Variants in SLC36A1 observed in about 807,000 individuals in gnomAD.
SLC36A1 encodes solute carrier family 36 member 1, also known as proton-coupled amino acid transporter 1.
SLC36A1 carries 30 observed loss-of-function variants against 47.5 expected under a neutral mutation model. The observed-to-expected ratio is 0.63, with a 90% CI of 0.47 to 0.86. SLC36A1 has a LOEUF of 0.86. Among genes scored for constraint, SLC36A1 ranks in the 40% least tolerant of loss-of-function variants. SLC36A1 has a pLI of 0.00. For synonymous variants in SLC36A1, 255 were observed against 249.7 expected, an observed-to-expected ratio of 1.02 and a Z score of -0.20; for missense variants, 517 against 606.0, an observed-to-expected ratio of 0.85 and a Z score of 1.54.
At chr5:151,416,816 A>G in the SLC36A1 span, among the ~76,000 whole-genome samples, 1 of 152,210 alleles carries the variant, frequency 6.6e-6, no homozygotes, top group Admixed American at 6.5e-5. Flanking sequence ...CAAAATCTCC[A>G]TAATCCCCAC....
At chr5:151,481,144 A>AT (rs1467927540) in intron 10 of SLC36A1, among the ~76,000 whole-genome samples, 2 of 152,118 alleles carry the variant, frequency 1.3e-5, no homozygotes, top group Non-Finnish European at 2.9e-5. Flanking sequence ...TGCCTCTTGG[A>AT]TTTTGCTTCA....
Position 151,453,205 on chromosome 5 carries a change from C to CAATA in SLC36A1, c.-6+5400_-6+5403dup, listed in dbSNP as rs1753933818. On this transcript the variant is annotated intron_variant, in intron 1 of 10. Transcript: ENST00000243389. ...GGCAACAAGAATGAAACTCCATCTCCAATAAATAAATTAAAATAAATAAAT... is the reference window on the plus strand; with the variant it reads ...GGCAACAAGAATGAAACTCCATCTCCAATAAATAAATAAATTAAAATAAATAAAT... Among the ~76,000 whole-genome samples, 3 of 151,454 alleles carry CAATA rather than the reference C, an allele frequency of 2.0e-5. No individual in the cohort carries two copies. The South Asian group carries it at 6.3e-4, about 32-fold the overall frequency.
At chr5:151,545,363 T>A in the SLC36A1 span, 1 of 1,614,134 alleles carries the variant, frequency 6.2e-7, no homozygotes, top group Non-Finnish European at 8.5e-7. Flanking sequence ...ATGCTACCAG[T>A]GACAGGATGG....
Position 151,467,708 on chromosome 5 carries a change from T to C in SLC36A1, c.506T>C (p.Val169Ala), listed in dbSNP as rs149813162. ...FVFLADNFKQVIEAANGTTNN... is the reference protein window; with the variant it reads ...FVFLADNFKQAIEAANGTTNN... ...TTTTCTTCCTTCCCCTCATTCTAGG[T>C]GATAGAAGCGGCCAATGGGACCACC... The change falls in exon 7 of 11, where the codon GTG becomes GCG. Residue 169 changes from valine (V) to alanine (A), a missense_variant and splice_region_variant. Val to Ala is a moderately conservative substitution (Grantham distance 64). Coordinates refer to ENST00000243389, the MANE Select transcript of SLC36A1 (RefSeq NM_078483.4). The C allele has an allele frequency of 8.6e-4, 1,387 of 1,613,460 alleles. 2 individuals carry two copies. Among genetic ancestry groups the C allele is most frequent in the East Asian group, 1.1e-3 (48 of 44,860 alleles).
Position 151,463,465 on chromosome 5 carries a change from A to G in SLC36A1, c.144-88A>G. The G allele has an allele frequency of 9.2e-6, 9 of 975,306 alleles. No homozygotes were observed. The South Asian group carries it at 1.1e-4, about 11-fold the overall frequency. 60.4% of individuals were successfully genotyped at this position (975,306 alleles called of 1,614,324 possible). A position where few individuals can be genotyped will look rare whatever the true frequency, so the allele number is the denominator to read the frequency against. ...AAAATCTTACAGGGTTGTTGTGGAA[A>G]TAAAATAAGATAATGCATATAAGCA... On this transcript the variant is annotated intron_variant, in intron 2 of 10. Coordinates refer to ENST00000243389, the MANE Select transcript of SLC36A1 (RefSeq NM_078483.4).
the SLC36A1 span, among the ~76,000 whole-genome samples, chr5:151,522,312 CCTATACCATG>C: frequency 0.013 from 1,984 of 152,310 alleles, 64 homozygotes; most frequent in South Asian, 0.098. Context: ...GGAGTTACAT[CCTATACCATG>C]CAGTAAAACA....
chr5:151,465,496 T>C (rs1756220684), intron 5 of SLC36A1, among the ~76,000 whole-genome samples: 1 of 152,218 alleles, frequency 6.6e-6, no homozygotes, highest in Non-Finnish European at 1.5e-5. Flanking sequence ...CACTATCTTA[T>C]AAATGGAACA....
intron 4 of SLC36A1, 131 bp downstream of exon 4, chr5:151,464,733 G>A: frequency 2.6e-6 from 2 of 776,166 alleles, no homozygotes; most frequent in Admixed American, 4.6e-5. Context: ...GCTTATGATT[G>A]CAGCGTTTTC....
the SLC36A1 span, among the ~76,000 whole-genome samples, chr5:151,357,683 C>A: frequency 4.6e-5 from 7 of 152,206 alleles, no homozygotes; most frequent in Non-Finnish European, 1.0e-4. Flanking sequence ...GTAGTTGTGA[C>A]AGAAACCATA....
the SLC36A1 span, among the ~76,000 whole-genome samples, chr5:151,420,500 A>T: frequency 6.6e-6 from 1 of 152,150 alleles, no homozygotes; most frequent in Non-Finnish European, 1.5e-5. Flanking sequence ...CCTGCTAATG[A>T]TGGGGATGAT....
At chr5:151,352,085 C>G in the SLC36A1 span, among the ~76,000 whole-genome samples, 63 of 152,178 alleles carry the variant, frequency 4.1e-4, no homozygotes, top group Non-Finnish European at 1.9e-4. Flanking sequence ...ATTTGCTGCT[C>G]TCTGTGCCTG....
At chr5:151,382,474 G>T in the SLC36A1 span, 3 of 548,054 alleles carry the variant, frequency 5.5e-6, no homozygotes, top group East Asian at 8.8e-5. Flanking sequence ...TCAAAGATGG[G>T]GTTAAATGCA....
intron 3 of SLC36A1, among the ~76,000 whole-genome samples, chr5:151,463,936 T>C (rs1486704442): frequency 7.2e-5 from 11 of 152,228 alleles, no homozygotes; most frequent in Admixed American, 7.2e-4. Flanking sequence ...GAGCAGTTTC[T>C]GTCAATAATA....
At chr5:151,553,994 G>A in the SLC36A1 span, among the ~76,000 whole-genome samples, 34 of 152,150 alleles carry the variant, frequency 2.2e-4, no homozygotes, top group Admixed American at 5.9e-4. Flanking sequence ...CAAGAAAGAC[G>A]TTCTTATCTC....
At chr5:151,391,041 C>A in the SLC36A1 span, among the ~76,000 whole-genome samples, 1 of 152,174 alleles carries the variant, frequency 6.6e-6, no homozygotes, top group African/African-American at 2.4e-5. Context: ...TATCCATGAG[C>A]ATGGAATGTT....
At chr5:151,505,200 G>C in the SLC36A1 span, 2,958 of 339,330 alleles carry the variant, frequency 8.7e-3, 74 homozygotes, top group African/African-American at 0.057. Flanking sequence ...AATGCATCTT[G>C]GTGAAGTTGA....
At chr5:151,498,238 C>A in the SLC36A1 span, among the ~76,000 whole-genome samples, 4 of 152,174 alleles carry the variant, frequency 2.6e-5, no homozygotes, top group Non-Finnish European at 5.9e-5. Flanking sequence ...AGCCACTGCG[C>A]ACGGCCAGGG....
chr5:151,505,975 C>G, the SLC36A1 span: 3 of 1,572,980 alleles, frequency 1.9e-6, no homozygotes, highest in Non-Finnish European at 2.6e-6. Flanking sequence ...GGCATCACGA[C>G]TGGGGTTGAG....
the SLC36A1 span, among the ~76,000 whole-genome samples, chr5:151,414,208 C>G: frequency 6.8e-6 from 1 of 146,314 alleles, no homozygotes; most frequent in African/African-American, 2.8e-5. Context: ...CTGTGTGACT[C>G]AGGGAACGAT....
Sources: allele counts gnomAD v4.1 joint callset (sites outside exome capture counted in the v4.1 genomes callset), GRCh38; gene constraint gnomAD v4.1.1; transcripts MANE v1.5; gene names NCBI Gene and HGNC (gene_info 2026-07-23, HGNC 2026-07-21).